Variants in OCA2 observed in about 807,000 individuals in gnomAD.
OCA2 encodes the protein P protein.
OCA2 carries 77 observed loss-of-function variants against 100.2 expected under a neutral mutation model. The ratio of observed to expected loss-of-function variants is 0.77; its 90% CI spans 0.64 to 0.93. The LOEUF is 0.93. Ranked by LOEUF, OCA2 falls within the 40% of genes least tolerant of loss-of-function variation. OCA2 has a pLI of 0.00. For missense variants in OCA2, 1,062 were observed against 1,089.1 expected, an observed-to-expected ratio of 0.98 and a Z score of 0.35; for synonymous variants, 432 against 439.2, an observed-to-expected ratio of 0.98 and a Z score of 0.21.
chr15:27,922,225 C>G (rs2038883465), intron 19 of OCA2, among the ~76,000 whole-genome samples: 1 of 152,218 alleles, frequency 6.6e-6, no homozygotes, highest in Admixed American at 6.5e-5. Context: ...TCCAGCATCA[C>G]TAATGGCACT....
In OCA2 at chr15:27,983,224, C is replaced by T; in HGVS notation, c.1503+121G>A. On this transcript the variant is annotated intron_variant, in intron 14 of 23. Coordinates refer to ENST00000354638, the MANE Select transcript of OCA2 (RefSeq NM_000275.3). ...CCCAGTCTTGAGATGCCCAGTAGCA[C>T]TTACTGTGAAGAGGTGGCGTGATGA... 2.4e-6 allele frequency: 3 copies of T among 1,234,860 alleles called. No individual in the cohort carries two copies. In the Admixed American group the frequency reaches 5.3e-5, roughly 22 times the overall value. 76.5% of individuals were successfully genotyped at this position (1,234,860 alleles called of 1,614,324 possible). A position where few individuals can be genotyped will look rare whatever the true frequency, so the allele number is the denominator to read the frequency against.
At chr15:28,082,956 G>A (rs924662522) in intron 1 of OCA2, among the ~76,000 whole-genome samples, 19 of 152,094 alleles carry the variant, frequency 1.2e-4, no homozygotes, top group Admixed American at 2.6e-4. Context: ...TCAAGCAGCC[G>A]ACAGCACCAG....
At chr15:27,958,754 T>C (rs184157354) in intron 15 of OCA2, among the ~76,000 whole-genome samples, 2 of 152,310 alleles carry the variant, frequency 1.3e-5, no homozygotes, top group East Asian at 3.9e-4. Flanking sequence ...ATTAAAAGAA[T>C]ATAAGAAAGC....
At chr15:27,888,284 T>C (rs2151581372) in intron 19 of OCA2, among the ~76,000 whole-genome samples, 1 of 152,358 alleles carries the variant, frequency 6.6e-6, no homozygotes, top group Non-Finnish European at 1.5e-5. Flanking sequence ...ATGTAAATAG[T>C]CTATAACCTG....
At chr15:27,821,996 G>A (rs1452253940) in intron 23 of OCA2, among the ~76,000 whole-genome samples, 4 of 152,178 alleles carry the variant, frequency 2.6e-5, no homozygotes, top group African/African-American at 9.7e-5. Flanking sequence ...CACTTAATAA[G>A]CATATCTGTG....
intron 2 of OCA2, among the ~76,000 whole-genome samples, chr15:28,074,673 CA>C (rs1172821817): frequency 0.011 from 722 of 66,852 alleles, 3 homozygotes; most frequent in East Asian, 0.027. Context: ...GACTCCGTCT[CA>C]AAAAAAAAAA....
At chr15:28,032,334 C>A (rs568938377) in intron 2 of OCA2, among the ~76,000 whole-genome samples, 171 bp from the exon 3 acceptor site, 40 of 152,142 alleles carry the variant, frequency 2.6e-4, no homozygotes, top group Non-Finnish European at 5.3e-4. Context: ...TAGAAGACAC[C>A]ATAAGAAAGA....
intron 19 of OCA2, among the ~76,000 whole-genome samples, chr15:27,910,948 T>A (rs1225832517): frequency 6.7e-6 from 1 of 148,894 alleles, no homozygotes; most frequent in African/African-American, 2.5e-5. Context: ...AGAGTGAGAC[T>A]CCATCTAAAA....
At chr15:27,879,101 G>A (rs2036907591) in intron 19 of OCA2, among the ~76,000 whole-genome samples, 1 of 152,090 alleles carries the variant, frequency 6.6e-6, no homozygotes, top group Non-Finnish European at 1.5e-5. Context: ...ATGAGAACAT[G>A]CAGAGCTTGG....
chr15:27,871,788 CT>C (rs372214357), intron 20 of OCA2, 74 bp downstream of exon 20: 34,117 of 712,906 alleles, frequency 0.048, 1 homozygote, highest in Non-Finnish European at 0.052. Context: ...TACCAGAGTG[CT>C]TTTTTTTTTT....
intron 1 of OCA2, among the ~76,000 whole-genome samples, chr15:28,083,382 C>T (rs2044713054): frequency 6.6e-6 from 1 of 152,210 alleles, no homozygotes; most frequent in Non-Finnish European, 1.5e-5. Context: ...TGTTATTTCC[C>T]TGCTTTAACC....
At chr15:28,042,490 AT>A (rs1566832617) in intron 2 of OCA2, among the ~76,000 whole-genome samples, 1 of 150,032 alleles carries the variant, frequency 6.7e-6, no homozygotes. Context: ...AAAAAAAAAA[AT>A]TAGCTGGGCG....
chr15:27,998,763 G>A (rs1162819588), intron 9 of OCA2, among the ~76,000 whole-genome samples: 7 of 143,366 alleles, frequency 4.9e-5, no homozygotes, highest in African/African-American at 1.5e-4. Context: ...TGTTTATTGC[G>A]GCACTATTCA....
intron 18 of OCA2, among the ~76,000 whole-genome samples, chr15:27,938,980 C>T (rs1467861014): frequency 6.6e-6 from 1 of 152,150 alleles, no homozygotes; most frequent in African/African-American, 2.4e-5. Context: ...ACCAAGGTAC[C>T]ATAGGGGTCT....
At chr15:27,870,788 A>AAG (rs1403420255) in intron 21 of OCA2, among the ~76,000 whole-genome samples, 1 of 126,624 alleles carries the variant, frequency 7.9e-6, no homozygotes, top group African/African-American at 3.7e-5. Flanking sequence ...GAAAGAAAGA[A>AAG]AAAGAAAGAA....
chr15:28,081,399 ATTAAGTG>A (rs1200900212), intron 2 of OCA2, among the ~76,000 whole-genome samples: 1 of 152,212 alleles, frequency 6.6e-6, no homozygotes, highest in Non-Finnish European at 1.5e-5. Context: ...TAAATAATAT[ATTAAGTG>A]TTAAGTCTTC....
intron 2 of OCA2, among the ~76,000 whole-genome samples, chr15:28,047,295 G>A (rs961853699): frequency 2.6e-5 from 4 of 152,184 alleles, no homozygotes; most frequent in Non-Finnish European, 5.9e-5. Context: ...GTGGCTCAAA[G>A]AGCTATATTT....
chr15:27,789,403 T>C lies in OCA2; in HGVS notation c.2433-33931A>G, dbSNP rs190466615. Among the ~76,000 whole-genome samples the C allele has an allele frequency of 8.5e-5, 13 of 152,326 alleles. No homozygotes were observed. In the East Asian group the frequency reaches 2.5e-3, roughly 29 times the overall value. On this transcript the variant is annotated intron_variant, in intron 23 of 23. Transcript: ENST00000354638. The stretch of plus-strand genomic sequence containing the variant: ...CTAGAAATGAAATTCTTTCTTGAGT[T>C]TGTATCTTCGTTTCAACATTTTAAA...
chr15:27,760,083 C>T (rs1039044391), intron 23 of OCA2, among the ~76,000 whole-genome samples: 3 of 151,942 alleles, frequency 2.0e-5, no homozygotes, highest in Non-Finnish European at 2.9e-5. Flanking sequence ...GATAAGAAAT[C>T]AGTAACAGAA....
Sources: allele counts gnomAD v4.1 joint callset (sites outside exome capture counted in the v4.1 genomes callset), GRCh38; gene constraint gnomAD v4.1.1; transcripts MANE v1.5; gene names NCBI Gene and HGNC (gene_info 2026-07-23, HGNC 2026-07-21).